LRRC41: variants seen among roughly 807,000 people sequenced by gnomAD.
LRRC41 encodes leucine rich repeat containing 41.
In LRRC41, 17 loss-of-function variants were observed where a neutral mutation model predicts 72.1. The ratio of observed to expected loss-of-function variants is 0.24; its 90% CI spans 0.16 to 0.35. LRRC41 has a LOEUF of 0.35. Among genes scored for constraint, LRRC41 ranks in the 10% least tolerant of loss-of-function variants. The pLI is 1.00. For missense variants in LRRC41, 759 were observed against 1,065.0 expected (o/e 0.71, Z 4.00); for synonymous variants, 427 against 431.0 (o/e 0.99, Z 0.11).
rs759951479 is a variant in LRRC41, at chr1:46,279,281, A to G, written c.2144-24T>C. The G allele has an allele frequency of 1.2e-6, 2 of 1,612,268 alleles. No homozygotes were observed. Among genetic ancestry groups the G allele is most frequent in the Non-Finnish European group, 1.7e-6 (2 of 1,178,456 alleles). ...CCCTGGAGAGAAGGGGAGAACGCCTATCACCTCCACCCAAGAACAGGGGAC... is the reference window on the plus strand; with the variant it reads ...CCCTGGAGAGAAGGGGAGAACGCCTGTCACCTCCACCCAAGAACAGGGGAC... On this transcript the variant is annotated intron_variant, in intron 8 of 9. Coordinates refer to ENST00000617190, the MANE Select transcript of LRRC41 (RefSeq NM_006369.5). The surrounding 1 kb of genome is among the most constrained non-coding windows in gnomAD (Gnocchi z 4.5).
chr1:46,280,095 A>C lies in LRRC41; in HGVS notation c.2020+97T>G. ...CTATATCCATTTTATAGCTGAGGAC[A>C]CAAGGCCAAGAAAGGAACAGTGGTT... On this transcript the variant is annotated intron_variant, in intron 7 of 9. Coordinates refer to ENST00000617190, the MANE Select transcript of LRRC41 (RefSeq NM_006369.5). 6.4e-6 allele frequency: 6 copies of C among 931,628 alleles called. No homozygotes were observed. In the South Asian group the frequency reaches 8.4e-5, roughly 13 times the overall value. 57.7% of individuals were successfully genotyped at this position (931,628 alleles called of 1,614,324 possible). A position where few individuals can be genotyped will look rare whatever the true frequency, so the allele number is the denominator to read the frequency against.
chr1:46,290,431 T>G (rs1660983590), intron 3 of LRRC41, among the ~76,000 whole-genome samples: 1 of 152,026 alleles, frequency 6.6e-6, no homozygotes. Flanking sequence ...AACTCTGGAG[T>G]ATTTACATAT....
Position 46,281,185 on chromosome 1 carries a change from G to A in LRRC41, c.1696C>T (p.Pro566Ser), listed in dbSNP as rs143713818. The A allele has an allele frequency of 1.8e-4, 284 of 1,614,050 alleles. No homozygotes were observed. The Middle Eastern group carries it at 4.9e-3, about 28-fold the overall frequency. ...RVDHPSQRDN[P>S]GVPGNAGPPS... ...GGCCCTGCATTCCCTGGCACACCAG[G>A]GTTGTCCCGCTGGCTTGGGTGGTCA... Residue 566 changes from proline (P) to serine (S), a missense_variant, in exon 5 of 10, where the codon CCT becomes TCT. Physicochemically the swap from Pro to Ser is moderately conservative, Grantham distance 74. Around this residue, in one of 4 missense-constraint regions of LRRC41, gnomAD observed 427 missense variants for 520.9 expected, o/e 0.82. Transcript: ENST00000617190.
chr1:46,288,264 T>A (rs923994293), intron 3 of LRRC41, among the ~76,000 whole-genome samples: 1 of 152,118 alleles, frequency 6.6e-6, no homozygotes, highest in East Asian at 1.9e-4. Flanking sequence ...TTTAAGATGA[T>A]CCCTAAGTCA....
rs1660894631 is a variant in LRRC41, at chr1:46,286,880, G to A, written c.358-381C>T. Reference sequence around the variant, plus strand: ...GTAGCCTAGGCTGGAGTGCAGTGGTGTGATCTCAGCTCACTGCAACCTCTG... The same window carrying A: ...GTAGCCTAGGCTGGAGTGCAGTGGTATGATCTCAGCTCACTGCAACCTCTG... On this transcript the variant is annotated intron_variant, in intron 3 of 9. Transcript: ENST00000617190. The surrounding 1 kb of genome is among the most constrained non-coding windows in gnomAD (Gnocchi z 5.5). Among the ~76,000 whole-genome samples, 1 of 152,034 alleles carries A rather than the reference G, an allele frequency of 6.6e-6. No individual in the cohort carries two copies.
chr1:46,294,760 A>G (rs886264815), intron 3 of LRRC41, among the ~76,000 whole-genome samples: 2 of 151,692 alleles, frequency 1.3e-5, no homozygotes, highest in Non-Finnish European at 2.9e-5. Flanking sequence ...ACGCCCAGCT[A>G]ATTTTTGTAT....
rs755535728 is a variant in LRRC41 at position 46,285,657 on chromosome 1, AGC to A, written c.1198_1199del (p.Ala400SerfsTer11). The A allele has an allele frequency of 1.2e-6, 2 of 1,614,078 alleles. No homozygotes were observed. Among genetic ancestry groups the A allele is most frequent in the Non-Finnish European group, 1.7e-6 (2 of 1,179,978 alleles). ...RFKRAAGKKG[A>X]RTRQGPGAES... ...CTGCACCAGGCCCCTGACGGGTGCG[AGC>A]ACCCTTCTTCCCTGCAGCTCGCTTG... On this transcript the variant is annotated frameshift_variant, in exon 4 of 10. Coordinates refer to ENST00000617190, the MANE Select transcript of LRRC41 (RefSeq NM_006369.5). LOFTEE classifies it high-confidence loss of function. The surrounding 1 kb of genome is among the most constrained non-coding windows in gnomAD (Gnocchi z 5.3).
chr1:46,300,969 G>T (rs774486682), intron 1 of LRRC41, among the ~76,000 whole-genome samples: 3 of 152,158 alleles, frequency 2.0e-5, no homozygotes, highest in African/African-American at 4.8e-5. Context: ...CAACTTGGCT[G>T]GGGGCTCAGC....
Position 46,286,540 on chromosome 1 carries a change from A to G in LRRC41, c.358-41T>C, listed in dbSNP as rs1243799805. 2.0e-6 allele frequency: 3 copies of G among 1,532,562 alleles called. No homozygotes were observed. The highest frequency in any genetic ancestry group is 2.6e-6 in the Non-Finnish European group (3 of 1,140,102). The allele number at this position is 1,532,562 out of a possible 1,614,324, so 94.9% of individuals were successfully genotyped here. A position where few individuals can be genotyped will look rare whatever the true frequency, so the allele number is the denominator to read the frequency against. On this transcript the variant is annotated intron_variant, in intron 3 of 9. Transcript: ENST00000617190. The surrounding 1 kb of genome is among the most constrained non-coding windows in gnomAD (Gnocchi z 5.5). ...CATGCCAGACAGCCATGATATATCCATGAAACTGTCCAAATTTCCCTCTCT... is the reference window on the plus strand; with the variant it reads ...CATGCCAGACAGCCATGATATATCCGTGAAACTGTCCAAATTTCCCTCTCT...
In LRRC41 at chr1:46,277,568, C is replaced by T. The variant is rs1660648928; in HGVS notation, c.*1297G>A. 7 of 538,312 alleles carry T rather than the reference C, an allele frequency of 1.3e-5. No homozygotes were observed. The East Asian group carries it at 2.0e-4, about 15-fold the overall frequency. 33.3% of individuals were successfully genotyped at this position (538,312 alleles called of 1,614,324 possible). On this transcript the variant is annotated 3_prime_UTR_variant, in exon 10 of 10. Transcript: ENST00000617190. ...CTCAGTTCACCCTGACGGGATTTAG[C>T]CAGGCCCTGGGACCCTTCATTAGTA...
rs1354651024 is a variant in LRRC41 at position 46,302,916 on chromosome 1, G to A, written c.199+208C>T. ...CCCCCGCGCCCCCGAGCCAGGCCGCGGTGCGGGTCAGCCTGCCCATTTAGG... is the reference window on the plus strand; with the variant it reads ...CCCCCGCGCCCCCGAGCCAGGCCGCAGTGCGGGTCAGCCTGCCCATTTAGG... On this transcript the variant is annotated intron_variant, in intron 1 of 9. Coordinates refer to ENST00000617190, the MANE Select transcript of LRRC41 (RefSeq NM_006369.5). The surrounding 1 kb of genome is among the most constrained non-coding windows in gnomAD (Gnocchi z 4.7). 1 of 982,104 alleles carries A rather than the reference G, an allele frequency of 1.0e-6. No individual in the cohort carries two copies. The highest frequency in any genetic ancestry group is 1.2e-6 in the Non-Finnish European group (1 of 829,088). The allele number at this position is 982,104 out of a possible 1,614,324, so 60.8% of individuals were successfully genotyped here.
chr1:46,296,023 A>G (rs1661118746), intron 3 of LRRC41, among the ~76,000 whole-genome samples: 2 of 152,174 alleles, frequency 1.3e-5, no homozygotes, highest in African/African-American at 4.8e-5. Flanking sequence ...CTTCCTAGGA[A>G]AGACTTTCTT....
At chr1:46,292,220 C>CT (rs1661034513) in intron 3 of LRRC41, among the ~76,000 whole-genome samples, 1 of 151,146 alleles carries the variant, frequency 6.6e-6, no homozygotes, top group South Asian at 2.1e-4. Context: ...GATCATACCA[C>CT]TGCACTCCAG....
chr1:46,300,878 G>A (rs1041092976), intron 1 of LRRC41: 8 of 152,142 alleles, frequency 5.3e-5, no homozygotes, highest in Admixed American at 4.6e-4. Context: ...CCTCTTCCTT[G>A]GCTATTCTCC....
rs1451932337 is a variant in LRRC41 at position 46,278,810 on chromosome 1, T to A, written c.*55A>T. On this transcript the variant is annotated 3_prime_UTR_variant, in exon 10 of 10. Coordinates refer to ENST00000617190, the MANE Select transcript of LRRC41 (RefSeq NM_006369.5). ...GGTTGGGGTTCTGGGCAGCCCATGCTTCAGCCCCTGCAAGCTGATGGTACC... is the reference window on the plus strand; with the variant it reads ...GGTTGGGGTTCTGGGCAGCCCATGCATCAGCCCCTGCAAGCTGATGGTACC... The A allele has an allele frequency of 1.3e-6, 2 of 1,533,418 alleles. No homozygotes were observed. Among genetic ancestry groups the A allele is most frequent in the Non-Finnish European group, 8.9e-7 (1 of 1,118,838 alleles). The allele number at this position is 1,533,418 out of a possible 1,614,324, so 95.0% of individuals were successfully genotyped here. A position where few individuals can be genotyped will look rare whatever the true frequency, so the allele number is the denominator to read the frequency against.
Position 46,280,378 on chromosome 1 carries a change from A to ACC in LRRC41, c.1921+17_1921+18insGG. The ACC allele has an allele frequency of 1.2e-6, 2 of 1,614,172 alleles. No homozygotes were observed. Among genetic ancestry groups the ACC allele is most frequent in the Non-Finnish European group, 1.7e-6 (2 of 1,180,034 alleles). On this transcript the variant is annotated intron_variant, in intron 6 of 9. Coordinates refer to ENST00000617190, the MANE Select transcript of LRRC41 (RefSeq NM_006369.5). ...CCCCACCTACTCCTCTCCCTTCACC[A>ACC]TTCTGGCTGGGTCCTACCTTTGAGT...
Position 46,278,704 on chromosome 1 carries a change from A to G in LRRC41, c.*161T>C. On this transcript the variant is annotated 3_prime_UTR_variant, in exon 10 of 10. Transcript: ENST00000617190. The stretch of plus-strand genomic sequence containing the variant: ...TGAGAATGCCTGTTTGCTGGGCCTC[A>G]TCAAGGCCTCCAGGACCTCAGTGCA... The G allele has an allele frequency of 2.9e-6, 2 of 697,764 alleles. No homozygotes were observed. The highest frequency in any genetic ancestry group is 4.8e-6 in the Non-Finnish European group (2 of 421,020). 43.2% of individuals were successfully genotyped at this position (697,764 alleles called of 1,614,324 possible).
rs199803935 is a variant in LRRC41, at chr1:46,285,661, C to T, written c.1196G>A (p.Gly399Asp). ...KRFKRAAGKK[G>D]ARTRQGPGAE... ...ACCAGGCCCCTGACGGGTGCGAGCA[C>T]CCTTCTTCCCTGCAGCTCGCTTGAA... The change falls in exon 4 of 10, where the codon GGT (glycine) becomes GAT (aspartate). Residue 399 changes from glycine (G) to aspartate (D), a missense_variant. Physicochemically the swap from Gly to Asp is moderately conservative, Grantham distance 94 (BLOSUM62 -1). Coordinates refer to ENST00000617190, the MANE Select transcript of LRRC41 (RefSeq NM_006369.5). The surrounding 1 kb of genome is among the most constrained non-coding windows in gnomAD (Gnocchi z 5.3). 742 of 1,614,132 alleles carry T rather than the reference C, an allele frequency of 4.6e-4. 6 individuals are homozygous for T. The highest frequency in any genetic ancestry group is 2.4e-5 in the Non-Finnish European group (28 of 1,179,986).
At position 46,278,318 on chromosome 1, in the gene LRRC41, G is replaced by A; in HGVS notation, c.*547C>T. The A allele has an allele frequency of 6.3e-7, 1 of 1,575,218 alleles. No individual in the cohort carries two copies. The highest frequency in any genetic ancestry group is 2.1e-4 in the Middle Eastern group (1 of 4,790). ...GTCTGGGTGTAGCTCTTAGAGGAAG[G>A]AGATAGGGAAAAGGGGCTCCTTGCT... On this transcript the variant is annotated 3_prime_UTR_variant, in exon 10 of 10. Coordinates refer to ENST00000617190, the MANE Select transcript of LRRC41 (RefSeq NM_006369.5).
Sources: gnomAD v4.1 joint callset for allele counts (sites outside exome capture counted in the v4.1 genomes callset) on GRCh38, gnomAD v4.1.1 for gene constraint, gnomAD v4.1.1 regional missense constraint, Gnocchi (gnomAD v3.1) non-coding constraint, MANE v1.5 for transcripts, NCBI Gene and HGNC (gene_info 2026-07-23, HGNC 2026-07-21) for gene names.